The following PLLP variants were observed in gnomAD, a reference collection of about 807,000 sequenced individuals.
The protein encoded by PLLP is plasma membrane proteolipid (plasmolipin).
PLLP carries 15 observed loss-of-function variants against 19.7 expected under a neutral mutation model. That is an observed-to-expected ratio of 0.76 (90% CI 0.51 to 1.17). The LOEUF (loss-of-function observed/expected upper bound fraction) is 1.17. Among genes scored for constraint, PLLP ranks in the 50% most tolerant of loss-of-function variants. The probability of loss-of-function intolerance (pLI) is 0.00; values close to 1 mark genes in which losing one functional copy is unlikely to be tolerated. For missense variants in PLLP, 255 were observed against 258.3 expected (o/e 0.99, Z 0.09); for synonymous variants, 111 against 116.3 (o/e 0.95, Z 0.29).
chr16:57,277,202 A>T (rs1201603221), intron 1 of PLLP, among the ~76,000 whole-genome samples: 2 of 152,220 alleles, frequency 1.3e-5, no homozygotes, highest in African/African-American at 2.4e-5. Context: ...GTGGGCATGA[A>T]GGAGTCAACT....
chr16:57,273,194 A>C (rs1901098078), intron 1 of PLLP, among the ~76,000 whole-genome samples: 1 of 151,652 alleles, frequency 6.6e-6, no homozygotes, highest in South Asian at 2.1e-4. Flanking sequence ...CGGGAGGCGG[A>C]GCTTGCAGTG....
intron 1 of PLLP, among the ~76,000 whole-genome samples, chr16:57,283,664 T>C (rs571182292): frequency 1.2e-3 from 179 of 152,208 alleles, no homozygotes; most frequent in African/African-American, 4.0e-3. Context: ...TCCGCCTCAG[T>C]TGGGGTCTGT....
chr16:57,261,769 C>T lies in PLLP; in HGVS notation c.309+128G>A. 8 of 768,610 alleles carry T rather than the reference C, an allele frequency of 1.0e-5. No homozygotes were observed. The South Asian group carries it at 1.1e-4, about 11-fold the overall frequency. The allele number at this position is 768,610 out of a possible 1,614,324, so 47.6% of individuals were successfully genotyped here. On this transcript the variant is annotated intron_variant, in intron 2 of 3. Transcript: ENST00000219207. ...CTGAACCATCAATCCTCACCTCCAC[C>T]CCTGGCTCTGCAGATCAGCTTAGGT...
chr16:57,259,616 A>C (rs190838124), intron 2 of PLLP, among the ~76,000 whole-genome samples: 20 of 152,338 alleles, frequency 1.3e-4, no homozygotes, highest in African/African-American at 4.6e-4. Context: ...TACTTTTAAA[A>C]AATTACCAAC....
At chr16:57,276,282 C>T (rs984652480) in intron 1 of PLLP, among the ~76,000 whole-genome samples, 5 of 152,082 alleles carry the variant, frequency 3.3e-5, no homozygotes, top group Admixed American at 6.5e-5. Flanking sequence ...CATGGTGAAA[C>T]CCTGTCTCTA....
chr16:57,270,479 C>A (rs1331277648), intron 1 of PLLP, among the ~76,000 whole-genome samples: 4 of 151,846 alleles, frequency 2.6e-5, no homozygotes, highest in Non-Finnish European at 5.9e-5. Flanking sequence ...CATGGCAAAG[C>A]AAACCCTTCC....
intron 3 of PLLP, 143 bp from the exon 4 acceptor site, chr16:57,257,172 G>A: frequency 1.5e-6 from 1 of 647,870 alleles, no homozygotes; most frequent in Non-Finnish European, 2.8e-6. Flanking sequence ...TGTTTATCAT[G>A]GGGCTGATGA....
intron 1 of PLLP, among the ~76,000 whole-genome samples, chr16:57,273,030 G>A (rs1419949751): frequency 6.6e-6 from 1 of 151,944 alleles, no homozygotes; most frequent in Non-Finnish European, 1.5e-5. Flanking sequence ...GAGGCCGGGC[G>A]GGTGGATCAT....
chr16:57,265,310 G>A (rs1400996208), intron 1 of PLLP, among the ~76,000 whole-genome samples: 4 of 152,244 alleles, frequency 2.6e-5, no homozygotes, highest in African/African-American at 9.6e-5. Flanking sequence ...CCCCAGAGCT[G>A]GGGGGAGGCC....
At chr16:57,257,949 C>T (rs1403497444) in intron 3 of PLLP, among the ~76,000 whole-genome samples, 4 of 152,034 alleles carry the variant, frequency 2.6e-5, no homozygotes, top group African/African-American at 7.2e-5. Context: ...CAGGCCAAGG[C>T]GAGTGGATCA....
chr16:57,257,259 A>T (rs1383917668), intron 3 of PLLP, among the ~76,000 whole-genome samples: 1 of 152,164 alleles, frequency 6.6e-6, no homozygotes, highest in East Asian at 1.9e-4. Context: ...GGCCTGTCAG[A>T]TTGTGATAAG....
At chr16:57,266,861 G>GA (rs2075458938) in intron 1 of PLLP, among the ~76,000 whole-genome samples, 1 of 138,524 alleles carries the variant, frequency 7.2e-6, no homozygotes, top group Admixed American at 7.2e-5. Context: ...AGGGCACAGG[G>GA]CCTTTTTTTT....
At chr16:57,267,113 G>A (rs1165600828) in intron 1 of PLLP, among the ~76,000 whole-genome samples, 1 of 152,152 alleles carries the variant, frequency 6.6e-6, no homozygotes, top group Admixed American at 6.6e-5. Flanking sequence ...TTCCCCAGAA[G>A]CTGCCAACAC....
chr16:57,274,997 G>A (rs1346045205), intron 1 of PLLP, among the ~76,000 whole-genome samples: 6 of 151,440 alleles, frequency 4.0e-5, no homozygotes, highest in Admixed American at 2.0e-4. Context: ...TCCTGACCTC[G>A]TGATCCGCCC....
At chr16:57,276,230 G>A (rs1901151973) in intron 1 of PLLP, among the ~76,000 whole-genome samples, 1 of 152,210 alleles carries the variant, frequency 6.6e-6, no homozygotes, top group African/African-American at 2.4e-5. Context: ...GCTGAGGCAG[G>A]CAGATCATCT....
chr16:57,270,161 C>T (rs925732894), intron 1 of PLLP, among the ~76,000 whole-genome samples: 4 of 151,972 alleles, frequency 2.6e-5, no homozygotes, highest in African/African-American at 9.7e-5. Context: ...CCTTCCATGG[C>T]CCCCGAGTCC....
rs747137980 is a variant in PLLP, at chr16:57,258,513, G to A, written c.381C>T (p.Asp127=). ...TAFIACSAAV[D]LTSLRGTRPY... ...GCCGGGTGCCCCTCAGGGATGTCAG[G>A]TCAACTGCCGCAGAGCAGGCGATGA... Residue 127 remains aspartate (D), a synonymous_variant, in exon 3 of 4, where the codon GAC becomes GAT. Transcript: ENST00000219207. 2 of 1,613,258 alleles carry A rather than the reference G, an allele frequency of 1.2e-6. No homozygotes were observed. Among genetic ancestry groups the A allele is most frequent in the Non-Finnish European group, 1.7e-6 (2 of 1,179,952 alleles).
chr16:57,276,968 G>C (rs1901161949), intron 1 of PLLP, among the ~76,000 whole-genome samples: 1 of 152,114 alleles, frequency 6.6e-6, no homozygotes, highest in African/African-American at 2.4e-5. Context: ...CTGCATGGTG[G>C]AATACTATAG....
Position 57,256,757 on chromosome 16 carries a change from G to A in PLLP, c.*156C>T, listed in dbSNP as rs1359958240. The A allele has an allele frequency of 8.4e-6, 5 of 598,472 alleles. No homozygotes were observed. Among genetic ancestry groups the A allele is most frequent in the East Asian group, 2.8e-5 (1 of 36,136 alleles). 37.1% of individuals were successfully genotyped at this position (598,472 alleles called of 1,614,324 possible). On this transcript the variant is annotated 3_prime_UTR_variant, in exon 4 of 4. Transcript: ENST00000219207. ...GCCAGCCTGGGCCTGCTTCCTTAGC[G>A]CTGTGAGAGCTTATGTCTGACGGGC...
Sources: allele counts gnomAD v4.1 joint callset (sites outside exome capture counted in the v4.1 genomes callset), GRCh38; gene constraint gnomAD v4.1.1; transcripts MANE v1.5; gene names NCBI Gene and HGNC (gene_info 2026-07-23, HGNC 2026-07-21).